Variants in SLC1A3 observed in about 807,000 individuals in gnomAD.
SLC1A3 encodes the protein excitatory amino acid transporter 1.
SLC1A3 carries 21 observed loss-of-function variants against 48.1 expected under a neutral mutation model. The observed-to-expected ratio is 0.44, with a 90% CI of 0.31 to 0.63. The LOEUF is 0.63. Ranked by LOEUF, SLC1A3 falls within the 20% of genes least tolerant of loss-of-function variation. The pLI, the probability that SLC1A3 is intolerant of heterozygous loss-of-function variation, is 0.08. For missense variants in SLC1A3, 546 were observed against 689.0 expected (o/e 0.79, Z 2.32); for synonymous variants, 239 against 251.4 (o/e 0.95, Z 0.47).
chr5:36,616,086 C>A (rs936815870), intron 2 of SLC1A3, among the ~76,000 whole-genome samples: 1 of 152,152 alleles, frequency 6.6e-6, no homozygotes, highest in African/African-American at 2.4e-5. Context: ...ATCCCAGCTA[C>A]TCGGGAGGCT....
intron 2 of SLC1A3, among the ~76,000 whole-genome samples, chr5:36,623,014 CAAA>C (rs1158762437): frequency 7.7e-5 from 4 of 51,932 alleles, no homozygotes; most frequent in East Asian, 5.4e-4. Context: ...TCCATCATCT[CAAA>C]AAAAAAAAAA....
chr5:36,599,814 G>T (rs1229521662), intron 1 of SLC1A3, among the ~76,000 whole-genome samples: 1 of 151,176 alleles, frequency 6.6e-6, no homozygotes, highest in Non-Finnish European at 1.5e-5. Context: ...TTTTGAAGAA[G>T]ATTTATTTAT....
chr5:36,674,545 AG>A (rs764009725), intron 5 of SLC1A3, among the ~76,000 whole-genome samples: 65 of 152,104 alleles, frequency 4.3e-4, no homozygotes, highest in Admixed American at 2.7e-3. Flanking sequence ...TGGACTCTAA[AG>A]GAGAGCCAAA....
chr5:36,607,554 A>C (rs1451769084), intron 1 of SLC1A3, among the ~76,000 whole-genome samples: 1 of 152,250 alleles, frequency 6.6e-6, no homozygotes, highest in Non-Finnish European at 1.5e-5. Context: ...AAAACGCTAA[A>C]AAGTCAGCGA....
intron 3 of SLC1A3, chr5:36,669,658 G>A (rs1008071844): frequency 2.6e-5 from 4 of 152,076 alleles, no homozygotes; most frequent in African/African-American, 7.2e-5. Context: ...TAAGTGATAC[G>A]ATTCAAATAC....
intron 1 of SLC1A3, among the ~76,000 whole-genome samples, chr5:36,599,537 T>C (rs887076088): frequency 1.7e-5 from 2 of 118,126 alleles, no homozygotes; most frequent in South Asian, 2.7e-4. Context: ...TGAGACGGAG[T>C]CTCACTCTGT....
upstream of SLC1A3, among the ~76,000 whole-genome samples, chr5:36,602,105 G>C (rs752229367): frequency 6.6e-6 from 1 of 152,178 alleles, no homozygotes; most frequent in African/African-American, 2.4e-5. Context: ...GATTTGGGGA[G>C]TGGGAGGAGA....
intron 4 of SLC1A3, among the ~76,000 whole-genome samples, chr5:36,672,545 C>G (rs1384643796): frequency 6.6e-6 from 1 of 152,188 alleles, no homozygotes; most frequent in Non-Finnish European, 1.5e-5. Context: ...GTCTAAAGGG[C>G]CCATTCCCCA....
chr5:36,627,995 A>G (rs1360273700), intron 2 of SLC1A3, among the ~76,000 whole-genome samples: 6 of 152,214 alleles, frequency 3.9e-5, no homozygotes, highest in African/African-American at 1.4e-4. Context: ...CCCAGCATAT[A>G]GCAAGAGCTC....
chr5:36,646,253 G>T lies in SLC1A3; in HGVS notation c.319+16666G>T, dbSNP rs570677279. On this transcript the variant is annotated intron_variant, in intron 3 of 9. Transcript: ENST00000265113. ...GTCTGACGAAGGACAATCTGGAATT[G>T]TAAAGAACGCTGATAGAATATTGCA... Among the ~76,000 whole-genome samples the T allele has an allele frequency of 2.6e-5, 4 of 152,358 alleles. No individual in the cohort carries two copies. The East Asian group carries it at 7.7e-4, about 29-fold the overall frequency.
intron 3 of SLC1A3, among the ~76,000 whole-genome samples, chr5:36,651,795 C>T (rs1257212780): frequency 1.3e-5 from 2 of 152,142 alleles, no homozygotes; most frequent in Non-Finnish European, 1.5e-5. Context: ...AATCATCTTT[C>T]GAGATTCCAG....
At chr5:36,611,706 C>T (rs969348947) in intron 2 of SLC1A3, among the ~76,000 whole-genome samples, 4 of 152,128 alleles carry the variant, frequency 2.6e-5, no homozygotes, top group African/African-American at 4.8e-5. Context: ...TGTGGACATC[C>T]GTCTGACAAA....
At chr5:36,619,629 G>A (rs4869486) in intron 2 of SLC1A3, among the ~76,000 whole-genome samples, 82,291 of 151,992 alleles carry the variant, frequency 0.54, 23,279 homozygotes, top group Admixed American at 0.65. Context: ...GAAAATAAGC[G>A]AATGGAAATT....
intron 4 of SLC1A3, among the ~76,000 whole-genome samples, chr5:36,673,060 C>T (rs966834848): frequency 6.6e-6 from 1 of 152,098 alleles, no homozygotes; most frequent in African/African-American, 2.4e-5. Flanking sequence ...CAACCAATCA[C>T]TTGGTTTGAA....
intron 2 of SLC1A3, among the ~76,000 whole-genome samples, chr5:36,621,743 ATCT>A (rs1347873179): frequency 6.6e-6 from 1 of 152,226 alleles, no homozygotes; most frequent in Admixed American, 6.5e-5. Context: ...TTTGTAGAGC[ATCT>A]TCTCTATGAA....
At position 36,597,430 on chromosome 5, in the gene SLC1A3, G is replaced by C. The variant is rs186047494; in HGVS notation, c.-96+752G>C. The stretch of plus-strand genomic sequence containing the variant: ...GGCTAGTTTTTGTATTTTTAGTAGA[G>C]ACGGGGTTTCACCATATTAGCCAGG... On this transcript the variant is annotated intron_variant, in intron 1 of 9. Transcript: ENST00000680318. Among the ~76,000 whole-genome samples the C allele has an allele frequency of 4.9e-3, 743 of 151,516 alleles. 5 individuals are homozygous for C. Among genetic ancestry groups the C allele is most frequent in the African/African-American group, 0.017 (719 of 41,296 alleles).
intron 1 of SLC1A3, among the ~76,000 whole-genome samples, chr5:36,600,516 C>G (rs1738795791): frequency 6.6e-6 from 1 of 152,158 alleles, no homozygotes; most frequent in African/African-American, 2.4e-5. Flanking sequence ...CAGCAAACAA[C>G]TGAGGCCTGG....
intron 7 of SLC1A3, 117 bp from the exon 8 acceptor site, chr5:36,680,278 G>C: frequency 3.5e-6 from 3 of 857,524 alleles, no homozygotes; most frequent in Non-Finnish European, 5.8e-6. Flanking sequence ...TGCTGACTTA[G>C]TTCCCTTTAA....
intron 1 of SLC1A3, 133 bp from the exon 2 acceptor site, chr5:36,608,196 C>G (rs1739037346): frequency 7.4e-6 from 4 of 541,712 alleles, no homozygotes; most frequent in Non-Finnish European, 1.3e-5. Context: ...ACCTTGAGGT[C>G]TGGTATTGTG....
Sources: allele counts gnomAD v4.1 joint callset (sites outside exome capture counted in the v4.1 genomes callset), GRCh38; gene constraint gnomAD v4.1.1; transcripts MANE v1.5; gene names NCBI Gene and HGNC (gene_info 2026-07-23, HGNC 2026-07-21).